Variants in ZNF438 observed in about 807,000 individuals in gnomAD.
ZNF438 encodes the protein zinc finger protein 438.
ZNF438 carries 25 observed loss-of-function variants against 38.0 expected under a neutral mutation model. The observed-to-expected ratio is 0.66, with a 90% CI of 0.48 to 0.92. ZNF438 has a LOEUF of 0.92. Among genes scored for constraint, ZNF438 ranks in the 40% least tolerant of loss-of-function variants. ZNF438 has a pLI of 0.00. For missense variants in ZNF438, 1,007 were observed against 999.6 expected (o/e 1.01, Z -0.10); for synonymous variants, 372 against 364.1 (o/e 1.02, Z -0.25).
chr10:31,015,773 C>G (rs2133184304), intron 1 of ZNF438, among the ~76,000 whole-genome samples: 1 of 152,362 alleles, frequency 6.6e-6, no homozygotes, highest in South Asian at 2.1e-4. Context: ...GTTCTGGAGG[C>G]TGCAGTCTAA....
chr10:31,016,626 T>A (rs569930477), intron 1 of ZNF438, among the ~76,000 whole-genome samples: 25 of 152,300 alleles, frequency 1.6e-4, no homozygotes, highest in Non-Finnish European at 3.4e-4. Context: ...CTCAGGTGCA[T>A]GATTGAAGCT....
chr10:30,950,118 G>A lies in ZNF438; in HGVS notation c.-191-8467C>T, dbSNP rs1188200135. Among the ~76,000 whole-genome samples the A allele has an allele frequency of 2.6e-4, 39 of 149,334 alleles. No homozygotes were observed. The East Asian group carries it at 7.8e-3, about 30-fold the overall frequency. ...CTCACTCAAAACCGCTCAACTACAT[G>A]GAAACTGAACAACCTGCTCCTGAAT... is the stretch of plus-strand genomic sequence containing the variant. On this transcript the variant is annotated intron_variant, in intron 1 of 5. Coordinates refer to ENST00000413025, the Ensembl canonical transcript of ZNF438.
In ZNF438 at chr10:30,935,876, C is replaced by T. The variant is rs141573375; in HGVS notation, c.-115+5699G>A. Among the ~76,000 whole-genome samples the T allele has an allele frequency of 3.8e-3, 583 of 152,210 alleles. 6 individuals carry two copies. The highest frequency in any genetic ancestry group is 0.013 in the African/African-American group (540 of 41,524). ...TCATGAGAACAGCATGGGGGAACTG[C>T]CCCATGATCCAATCACCTCCCACCA... On this transcript the variant is annotated intron_variant, in intron 2 of 5. Coordinates refer to ENST00000413025, the Ensembl canonical transcript of ZNF438.
chr10:30,870,713 G>C (rs1161155010), intron 4 of ZNF438, among the ~76,000 whole-genome samples: 2 of 152,162 alleles, frequency 1.3e-5, no homozygotes, highest in Non-Finnish European at 2.9e-5. Context: ...AAAATGTTGT[G>C]ACTAGAGGCT....
chr10:30,963,409 A>G (rs1461900184), intron 1 of ZNF438, among the ~76,000 whole-genome samples: 3 of 151,404 alleles, frequency 2.0e-5, no homozygotes, highest in Middle Eastern at 3.2e-3. Flanking sequence ...AAAAAAAAAA[A>G]AAAAGAAACT....
intron 2 of ZNF438, among the ~76,000 whole-genome samples, chr10:30,914,286 T>C (rs188494187): frequency 2.6e-5 from 4 of 152,088 alleles, no homozygotes; most frequent in Admixed American, 2.0e-4. Flanking sequence ...GGGGGCAGAT[T>C]AGTGGTTGCC....
At chr10:30,938,197 G>A (rs2046448031) in intron 2 of ZNF438, among the ~76,000 whole-genome samples, 1 of 151,818 alleles carries the variant, frequency 6.6e-6, no homozygotes. Flanking sequence ...ACTCTGCTCC[G>A]CTCAGTAATG....
intron 1 of ZNF438, among the ~76,000 whole-genome samples, chr10:31,015,986 T>G (rs923729192): frequency 3.0e-4 from 45 of 152,112 alleles, no homozygotes; most frequent in African/African-American, 1.1e-3. Flanking sequence ...AGGCCACATC[T>G]CCAATACTGT....
chr10:30,951,738 T>A (rs868344026), intron 1 of ZNF438, among the ~76,000 whole-genome samples: 1 of 145,300 alleles, frequency 6.9e-6, no homozygotes, highest in Non-Finnish European at 1.6e-5. Context: ...CACTGCTCAA[T>A]GAAATAAAAG....
At position 30,845,264 on chromosome 10, in the gene ZNF438, C is replaced by A. The variant is rs555394190; in HGVS notation, c.2184G>T (p.Arg728Ser). Residue 728 changes from arginine to serine, a missense_variant, in exon 6 of 6, where the codon AGG (arginine) becomes AGT (serine). Transcript: ENST00000413025. The stretch of plus-strand genomic sequence containing the variant: ...CGCCATTCTGATGAAGGTGGAGCTG[C>A]CTTTTCAGTCTTGGACATGCATGTG... 6.2e-6 allele frequency: 10 copies of A among 1,614,060 alleles called. 1 individual carries two copies. In the South Asian group the frequency reaches 9.9e-5, roughly 16 times the overall value.
intron 3 of ZNF438, among the ~76,000 whole-genome samples, chr10:30,892,861 G>T (rs1019121009): frequency 6.6e-6 from 1 of 152,150 alleles, no homozygotes; most frequent in Non-Finnish European, 1.5e-5. Context: ...CACTTATAAA[G>T]CATCTTCATT....
intron 1 of ZNF438, among the ~76,000 whole-genome samples, chr10:31,013,013 T>C (rs2055851351): frequency 6.6e-6 from 1 of 151,960 alleles, no homozygotes; most frequent in Non-Finnish European, 1.5e-5. Flanking sequence ...AGACTAGAGA[T>C]CACTGTTATA....
rs568204581 is a variant in ZNF438 at position 30,936,275 on chromosome 10, C to A, written c.-115+5300G>T. On this transcript the variant is annotated intron_variant, in intron 2 of 5. Coordinates refer to ENST00000413025, the Ensembl canonical transcript of ZNF438. ...CAAAGTGGGCACTTGATAAATGTTA[C>A]CCCCTTTCTCTTCCCTCTCTACTAC... Among the ~76,000 whole-genome samples, 6 of 152,260 alleles carry A rather than the reference C, an allele frequency of 3.9e-5. No homozygotes were observed. In the South Asian group the frequency reaches 1.2e-3, roughly 32 times the overall value.
At chr10:30,986,139 A>G (rs991612271) in intron 1 of ZNF438, among the ~76,000 whole-genome samples, 3 of 152,200 alleles carry the variant, frequency 2.0e-5, no homozygotes, top group Admixed American at 1.3e-4. Flanking sequence ...ACACTCTATG[A>G]TACTTTCACA....
intron 3 of ZNF438, among the ~76,000 whole-genome samples, chr10:30,902,172 T>G (rs1315611918): frequency 6.6e-6 from 1 of 152,138 alleles, no homozygotes; most frequent in African/African-American, 2.4e-5. Flanking sequence ...GCTTTTATTC[T>G]CTTATCTGGC....
Position 30,849,512 on chromosome 10 carries a change from G to C in ZNF438, c.893C>G (p.Ser298Ter), listed in dbSNP as rs1448869752. The change falls in exon 5 of 6, where the codon TCA becomes TGA. Residue 298 changes from serine to a stop codon, truncating the protein, a stop_gained. Coordinates refer to ENST00000413025, the Ensembl canonical transcript of ZNF438. LOFTEE classifies it high-confidence loss of function. ...GTAAACCTCCATTGTCTTCATTCTTGAGTAGGGTGGGATTGGCAGTTTCCC... is the reference window on the plus strand; with the variant it reads ...GTAAACCTCCATTGTCTTCATTCTTCAGTAGGGTGGGATTGGCAGTTTCCC... 1 of 1,614,120 alleles carries C rather than the reference G, an allele frequency of 6.2e-7. No homozygotes were observed. Among genetic ancestry groups the C allele is most frequent in the African/African-American group, 1.3e-5 (1 of 74,934 alleles).
chr10:30,891,108 C>T (rs542919974), intron 3 of ZNF438, among the ~76,000 whole-genome samples: 1 of 152,268 alleles, frequency 6.6e-6, no homozygotes, highest in African/African-American at 2.4e-5. Flanking sequence ...AGTCTATTTT[C>T]TTCCACTTTC....
chr10:30,898,044 T>C (rs973854834), intron 3 of ZNF438, among the ~76,000 whole-genome samples: 4 of 152,228 alleles, frequency 2.6e-5, no homozygotes, highest in African/African-American at 9.6e-5. Context: ...GTAAATTCAC[T>C]AAGCATTTGG....
At chr10:30,897,937 C>T (rs1009375735) in intron 3 of ZNF438, among the ~76,000 whole-genome samples, 7 of 152,178 alleles carry the variant, frequency 4.6e-5, no homozygotes, top group African/African-American at 1.7e-4. Flanking sequence ...AACTGAAATA[C>T]AACAAATGGG....
Sources: gnomAD v4.1 joint callset for allele counts (sites outside exome capture counted in the v4.1 genomes callset) on GRCh38, gnomAD v4.1.1 for gene constraint, MANE v1.5 for transcripts, NCBI Gene and HGNC (gene_info 2026-07-23, HGNC 2026-07-21) for gene names.